DNAH12: variants seen among roughly 807,000 people sequenced by gnomAD.
DNAH12 encodes dynein axonemal heavy chain 12, also known as axonemal beta dynein heavy chain 12.
Under a neutral mutation model 371.5 loss-of-function variants are expected in DNAH12, and 285 were observed. The observed-to-expected ratio is 0.77, with a 90% CI of 0.70 to 0.85. DNAH12 has a LOEUF of 0.85. Among genes scored for constraint, DNAH12 ranks in the 40% least tolerant of loss-of-function variants. The pLI is 0.00. For missense variants in DNAH12, 3,611 were observed against 3,689.4 expected, an observed-to-expected ratio of 0.98 and a Z score of 0.55; for synonymous variants, 1,200 against 1,213.0, an observed-to-expected ratio of 0.99 and a Z score of 0.22.
At chr3:57,391,709 T>TCCTCA in intron 45 of DNAH12, among the ~76,000 whole-genome samples, 163 bp downstream of exon 45, 1 of 152,340 alleles carries the variant, frequency 6.6e-6, no homozygotes, top group East Asian at 1.9e-4. Context: ...CTTGTGAGGA[T>TCCTCA]CATGTAGTCT....
chr3:57,454,749 T>C, intron 23 of DNAH12, 26 bp downstream of exon 23: 1 of 1,547,510 alleles, frequency 6.5e-7, no homozygotes, highest in Non-Finnish European at 8.7e-7. Context: ...ATGAAGGATG[T>C]TACTTAAAAG....
intron 50 of DNAH12, among the ~76,000 whole-genome samples, chr3:57,381,873 A>T (rs1019720285): frequency 0.36 from 46,355 of 129,586 alleles, 7,218 homozygotes; most frequent in East Asian, 0.47. Flanking sequence ...CCATATATAT[A>T]TATTTTTTTT....
chr3:57,438,934 G>GAAAAAAAAAAAAAAAA (rs1559659768), intron 29 of DNAH12, among the ~76,000 whole-genome samples: 7 of 48,272 alleles, frequency 1.5e-4, no homozygotes, highest in African/African-American at 2.8e-4. Context: ...AAAAAAAAAG[G>GAAAAAAAAAAAAAAAA]AAAGCAACTC....
At chr3:57,528,583 G>C (rs1322398074) in intron 2 of DNAH12, among the ~76,000 whole-genome samples, 5 of 135,638 alleles carry the variant, frequency 3.7e-5, no homozygotes, top group East Asian at 2.6e-4. Context: ...GAATTAGCCA[G>C]GTGTGATGGG....
chr3:57,464,966 G>A (rs369804820), intron 17 of DNAH12, among the ~76,000 whole-genome samples: 7 of 152,106 alleles, frequency 4.6e-5, no homozygotes, highest in East Asian at 1.9e-4. Flanking sequence ...TCTCTTTTCC[G>A]TCCCCTAGAG....
At chr3:57,327,757 T>C (rs1205207183) in intron 62 of DNAH12, among the ~76,000 whole-genome samples, 204 of 151,828 alleles carry the variant, frequency 1.3e-3, no homozygotes, top group Non-Finnish European at 2.4e-3. Flanking sequence ...TTCAAAAAAT[T>C]AATGAATCCA....
At chr3:57,444,609 A>G (rs2065417092) in intron 29 of DNAH12, 88 bp downstream of exon 29, 2 of 1,509,624 alleles carry the variant, frequency 1.3e-6, no homozygotes, top group Non-Finnish European at 8.9e-7. Flanking sequence ...AAACAGAATA[A>G]TTTCACACAT....
chr3:57,327,891 C>A (rs2153301780), intron 62 of DNAH12, among the ~76,000 whole-genome samples: 1 of 152,212 alleles, frequency 6.6e-6, no homozygotes, highest in South Asian at 2.1e-4. Context: ...CACCACTGAT[C>A]CAACAGAAAT....
At chr3:57,436,056 C>T (rs1038196570) in intron 30 of DNAH12, among the ~76,000 whole-genome samples, 3 of 151,606 alleles carry the variant, frequency 2.0e-5, no homozygotes, top group Admixed American at 6.6e-5. Context: ...AATGGAAAGA[C>T]CTCTCAGAAG....
At chr3:57,348,858 C>G (rs1444472382) in intron 60 of DNAH12, among the ~76,000 whole-genome samples, 1 of 152,202 alleles carries the variant, frequency 6.6e-6, no homozygotes, top group Non-Finnish European at 1.5e-5. Flanking sequence ...TATCTTTCCA[C>G]TTTGGACTTG....
intron 55 of DNAH12, among the ~76,000 whole-genome samples, chr3:57,370,392 A>AT (rs2063145862): frequency 6.6e-6 from 1 of 152,212 alleles, no homozygotes; most frequent in Non-Finnish European, 1.5e-5. Flanking sequence ...AGTAGGAGTT[A>AT]TTTTCACTTA....
At chr3:57,514,265 G>C (rs985759775) in intron 4 of DNAH12, among the ~76,000 whole-genome samples, 1 of 151,658 alleles carries the variant, frequency 6.6e-6, no homozygotes, top group African/African-American at 2.4e-5. Flanking sequence ...ATGGTGGGGG[G>C]AACCTGTAAT....
At chr3:57,540,312 A>G (rs903632228) in intron 2 of DNAH12, among the ~76,000 whole-genome samples, 1 of 152,070 alleles carries the variant, frequency 6.6e-6, no homozygotes, top group African/African-American at 2.4e-5. Context: ...CGGCCTCCCA[A>G]AGTGCTGGGA....
At chr3:57,501,219 T>C in intron 11 of DNAH12, 102 bp downstream of exon 11, 1 of 841,216 alleles carries the variant, frequency 1.2e-6, no homozygotes, top group Non-Finnish European at 1.8e-6. Context: ...AATGATATTT[T>C]AAATAAGAAA....
At chr3:57,430,136 TATTAA>T (rs527725145) in intron 32 of DNAH12, among the ~76,000 whole-genome samples, 308 of 152,274 alleles carry the variant, frequency 2.0e-3, no homozygotes, top group Middle Eastern at 0.014. Flanking sequence ...TAGACCTTTT[TATTAA>T]ATTAAAAAAT....
intron 58 of DNAH12, among the ~76,000 whole-genome samples, chr3:57,361,444 C>CTATATATATATATATATATATATA (rs1201361123): frequency 1.2e-4 from 14 of 116,682 alleles, no homozygotes; most frequent in East Asian, 5.2e-4. Flanking sequence ...CACACACACA[C>CTATATATATATATATATATATATA]TATATATATA....
At chr3:57,395,378 T>G (rs958112032) in intron 43 of DNAH12, among the ~76,000 whole-genome samples, 4 of 152,192 alleles carry the variant, frequency 2.6e-5, no homozygotes, top group African/African-American at 9.7e-5. Context: ...TTACAACTTC[T>G]CTAAGTTATT....
At chr3:57,324,934 A>G (rs1266145672) in intron 62 of DNAH12, among the ~76,000 whole-genome samples, 1 of 152,356 alleles carries the variant, frequency 6.6e-6, no homozygotes, top group East Asian at 1.9e-4. Context: ...CACATGGCTC[A>G]GAGGGTCCTA....
Position 57,419,377 on chromosome 3 carries a change from T to TA in DNAH12, c.5703dup (p.Thr1902TyrfsTer23), listed in dbSNP as rs2064492738. ...AGCAGAGTTCCTTACTTTGCATAGG[T>TA]AATACTCAAATCCATTAGAAACGTA... is the stretch of plus-strand genomic sequence containing the variant. On this transcript the variant is annotated frameshift_variant, in exon 37 of 74. Transcript: ENST00000495027. LOFTEE classifies it high-confidence loss of function. 1 of 1,500,092 alleles carries TA rather than the reference T, an allele frequency of 6.7e-7. No homozygotes were observed. The highest frequency in any genetic ancestry group is 8.8e-7 in the Non-Finnish European group (1 of 1,131,220). The allele number at this position is 1,500,092 out of a possible 1,614,324, so 92.9% of individuals were successfully genotyped here.
Sources: allele counts gnomAD v4.1 joint callset (sites outside exome capture counted in the v4.1 genomes callset), GRCh38; gene constraint gnomAD v4.1.1; transcripts MANE v1.5; gene names NCBI Gene and HGNC (gene_info 2026-07-23, HGNC 2026-07-21).